Variants in LIMA1 observed in about 807,000 individuals in gnomAD.
LIMA1 encodes LIM domain and actin-binding protein 1.
A neutral mutation model predicts 62.6 loss-of-function variants in LIMA1; 52 were observed. The observed-to-expected ratio is 0.83, with a 90% CI of 0.67 to 1.05. The LOEUF is 1.05. Ranked by LOEUF, LIMA1 falls within the 50% of genes least tolerant of loss-of-function variation. The pLI is 0.00. For synonymous variants in LIMA1, 302 were observed against 317.8 expected (o/e 0.95, Z 0.53); for missense variants, 780 against 902.2 (o/e 0.86, Z 1.74).
In LIMA1 at chr12:50,208,139, G is replaced by A. The variant is rs181490875; in HGVS notation, c.631-2071C>T. Among the ~76,000 whole-genome samples the A allele has an allele frequency of 1.9e-4, 29 of 152,066 alleles. No homozygotes were observed. In the East Asian group the frequency reaches 5.4e-3, roughly 28 times the overall value. Reference sequence around the variant, plus strand: ...GAGACAGGTGGATCACTTGAGCCCAGGAGTTTGAGACCAGCTTGGGCAGCA... The same window carrying A: ...GAGACAGGTGGATCACTTGAGCCCAAGAGTTTGAGACCAGCTTGGGCAGCA... On this transcript the variant is annotated intron_variant, in intron 4 of 10. Coordinates refer to ENST00000341247, the MANE Select transcript of LIMA1 (RefSeq NM_016357.5).
At chr12:50,178,154 T>C (rs182609536) in intron 10 of LIMA1, 85 bp from the exon 11 acceptor site, 3 of 1,076,528 alleles carry the variant, frequency 2.8e-6, no homozygotes, top group Middle Eastern at 2.4e-4. Flanking sequence ...GCAATTCCAG[T>C]ATTTTCAGAA....
At chr12:50,234,765 G>C (rs912880100) in intron 2 of LIMA1, among the ~76,000 whole-genome samples, 1 of 152,130 alleles carries the variant, frequency 6.6e-6, no homozygotes, top group African/African-American at 2.4e-5. Context: ...TGTAATCCCA[G>C]CACTTTGGGA....
At chr12:50,235,894 G>T (rs1246215933) in intron 2 of LIMA1, among the ~76,000 whole-genome samples, 1 of 152,224 alleles carries the variant, frequency 6.6e-6, no homozygotes. Context: ...GCTGGGTGCG[G>T]TGTCTCATGC....
At chr12:50,275,071 C>T (rs1942260038) in intron 1 of LIMA1, among the ~76,000 whole-genome samples, 1 of 152,036 alleles carries the variant, frequency 6.6e-6, no homozygotes, top group Non-Finnish European at 1.5e-5. Flanking sequence ...TAAATGAGTA[C>T]TTTGGCCAGG....
At chr12:50,244,354 C>T (rs1455745472) in intron 2 of LIMA1, among the ~76,000 whole-genome samples, 3 of 152,206 alleles carry the variant, frequency 2.0e-5, no homozygotes, top group African/African-American at 7.2e-5. Flanking sequence ...CTGCCCGCCT[C>T]AGCCTCCCAA....
chr12:50,231,132 C>T (rs778892581), intron 3 of LIMA1, among the ~76,000 whole-genome samples: 5 of 152,008 alleles, frequency 3.3e-5, no homozygotes, highest in Admixed American at 1.3e-4. Flanking sequence ...TCAGCCTCAC[C>T]GGAAGTTAGC....
chr12:50,280,344 G>A (rs771399792), intron 1 of LIMA1, among the ~76,000 whole-genome samples: 8 of 151,886 alleles, frequency 5.3e-5, no homozygotes, highest in Admixed American at 1.3e-4. Flanking sequence ...ATTTTTAGTA[G>A]AGACTGGGTT....
chr12:50,245,516 C>T (rs1312910860), intron 2 of LIMA1, among the ~76,000 whole-genome samples: 1 of 151,692 alleles, frequency 6.6e-6, no homozygotes. Context: ...AATGAGGACA[C>T]CATTGGTGCC....
intron 2 of LIMA1, among the ~76,000 whole-genome samples, chr12:50,242,906 G>C (rs1403497110): frequency 1.3e-5 from 2 of 152,148 alleles, no homozygotes; most frequent in African/African-American, 4.8e-5. Context: ...TTCCTCTGAA[G>C]ACTTCAATTA....
At chr12:50,189,047 C>T (rs917093301) in intron 9 of LIMA1, 11 of 152,260 alleles carry the variant, frequency 7.2e-5, no homozygotes, top group African/African-American at 1.9e-4. Context: ...CTGATGGCAG[C>T]ATCAGCCAAC....
chr12:50,231,752 T>C (rs1231946352), intron 2 of LIMA1, 42 bp from the exon 3 acceptor site: 1 of 1,569,330 alleles, frequency 6.4e-7, no homozygotes. Flanking sequence ...ATTAAACTTA[T>C]ATTTTTACTC....
At chr12:50,255,976 G>T (rs995602868) in intron 1 of LIMA1, among the ~76,000 whole-genome samples, 11 of 151,678 alleles carry the variant, frequency 7.3e-5, no homozygotes, top group African/African-American at 2.7e-4. Flanking sequence ...TGCAACCTCC[G>T]CCTCCCAGGT....
intron 1 of LIMA1, among the ~76,000 whole-genome samples, chr12:50,262,654 AAAATAAAATAAAAT>A (rs1159051476): frequency 2.8e-4 from 43 of 151,348 alleles, no homozygotes; most frequent in African/African-American, 1.0e-3. Flanking sequence ...AAAATAAAAT[AAAATAAAATAAAAT>A]AAAAATTAAC....
intron 1 of LIMA1, among the ~76,000 whole-genome samples, chr12:50,259,985 T>C (rs556305993): frequency 6.6e-6 from 1 of 152,242 alleles, no homozygotes; most frequent in South Asian, 2.1e-4. Context: ...AATCCTCTTT[T>C]CCTACCTCCA....
In LIMA1 at chr12:50,224,691, T is replaced by C. The variant is rs150970188; in HGVS notation, c.166-2206A>G. On this transcript the variant is annotated intron_variant, in intron 3 of 10. Coordinates refer to ENST00000341247, the MANE Select transcript of LIMA1 (RefSeq NM_016357.5). ...ACATGAAAAGATGCTCATAGGATACTTTTGAATGAAGAAAGCAAATTATAA... is the reference window on the plus strand; with the variant it reads ...ACATGAAAAGATGCTCATAGGATACCTTTGAATGAAGAAAGCAAATTATAA... Among the ~76,000 whole-genome samples the C allele has an allele frequency of 1.1e-4, 17 of 152,306 alleles. No homozygotes were observed. In the East Asian group the frequency reaches 3.3e-3, roughly 29 times the overall value.
chr12:50,256,892 T>C (rs1942003883), intron 1 of LIMA1, among the ~76,000 whole-genome samples: 1 of 152,252 alleles, frequency 6.6e-6, no homozygotes, highest in Non-Finnish European at 1.5e-5. Context: ...AATCCAGAGT[T>C]GATGTTCCCT....
chr12:50,182,261 C>A (rs1490410817), intron 9 of LIMA1: 1 of 332,462 alleles, frequency 3.0e-6, no homozygotes, highest in Non-Finnish European at 5.7e-6. Context: ...TAGCAGCCAC[C>A]AAGGATAGGT....
intron 9 of LIMA1, chr12:50,188,142 A>C (rs1940672409): frequency 6.6e-6 from 1 of 152,198 alleles, no homozygotes; most frequent in African/African-American, 2.4e-5. Context: ...TAAAATTTGA[A>C]ATGAATTGAA....
chr12:50,214,754 T>G (rs1424920657), intron 4 of LIMA1, among the ~76,000 whole-genome samples: 2 of 152,188 alleles, frequency 1.3e-5, no homozygotes, highest in Non-Finnish European at 2.9e-5. Context: ...TGCAGTGAGC[T>G]GGGATTGTGC....
Sources: allele counts gnomAD v4.1 joint callset (sites outside exome capture counted in the v4.1 genomes callset), GRCh38; gene constraint gnomAD v4.1.1; transcripts MANE v1.5; gene names NCBI Gene and HGNC (gene_info 2026-07-23, HGNC 2026-07-21).